The following HPS3 variants were observed in gnomAD, a reference collection of about 807,000 sequenced individuals.
HPS3 encodes the protein BLOC-2 complex member HPS3.
HPS3 carries 79 observed loss-of-function variants against 110.9 expected under a neutral mutation model. The ratio of observed to expected loss-of-function variants is 0.71; its 90% CI spans 0.59 to 0.86. HPS3 has a LOEUF of 0.86. HPS3 is among the 40% of genes least tolerant of loss of function. The pLI is 0.00. For synonymous variants in HPS3, 428 were observed against 451.0 expected (o/e 0.95, Z 0.65); for missense variants, 1,197 against 1,206.2 (o/e 0.99, Z 0.11).
At chr3:149,164,864 A>G (rs1238965688) in intron 14 of HPS3, among the ~76,000 whole-genome samples, 1 of 152,146 alleles carries the variant, frequency 6.6e-6, no homozygotes, top group Non-Finnish European at 1.5e-5. Context: ...ATGCATCTTC[A>G]TCATTTGATT....
chr3:149,162,725 G>T lies in HPS3; in HGVS notation c.2328G>T (p.Gln776His). Reference protein sequence around the residue: ...LCAKDEDTIPQLLVDFWEAQL... With the variant: ...LCAKDEDTIPHLLVDFWEAQL... Reference sequence around the variant, plus strand: ...CTAAGGATGAAGATACAATTCCTCAGCTCTTGGTAGACTTTTGGGAAGCTC... The same window carrying T: ...CTAAGGATGAAGATACAATTCCTCATCTCTTGGTAGACTTTTGGGAAGCTC... The change falls in exon 13 of 17, where the codon CAG becomes CAT. Residue 776 changes from glutamine (Q) to histidine (H), a missense_variant. Physicochemically the swap from Gln to His is conservative, Grantham distance 24. Transcript: ENST00000296051. The T allele has an allele frequency of 6.2e-7, 1 of 1,614,002 alleles. No individual in the cohort carries two copies. Among genetic ancestry groups the T allele is most frequent in the Non-Finnish European group, 8.5e-7 (1 of 1,179,940 alleles).
At position 149,152,401 on chromosome 3, in the gene HPS3, G is replaced by A. The variant is rs567995967; in HGVS notation, c.1246-1093G>A. Among the ~76,000 whole-genome samples, 7 of 152,268 alleles carry A rather than the reference G, an allele frequency of 4.6e-5. No homozygotes were observed. The South Asian group carries it at 1.5e-3, about 32-fold the overall frequency. On this transcript the variant is annotated intron_variant, in intron 6 of 16. Transcript: ENST00000296051. ...AGAGTCTTATAAAAGGCAGAATGAA[G>A]GAACAAGGAAGAGACAAAGGGGAGG...
intron 9 of HPS3, among the ~76,000 whole-genome samples, chr3:149,158,448 G>A (rs1678948506): frequency 6.6e-6 from 1 of 152,144 alleles, no homozygotes; most frequent in South Asian, 2.1e-4. Flanking sequence ...CTTCTGGAAA[G>A]CATGATATAT....
chr3:149,161,540 C>T (rs572755077), intron 11 of HPS3, among the ~76,000 whole-genome samples: 19 of 133,420 alleles, frequency 1.4e-4, no homozygotes, highest in African/African-American at 4.8e-4. Flanking sequence ...TTGAGAGCCT[C>T]GTTCTGTGGC....
At chr3:149,139,855 C>T in intron 1 of HPS3, 149 bp from the exon 2 acceptor site, 1 of 715,794 alleles carries the variant, frequency 1.4e-6, no homozygotes, top group African/African-American at 1.8e-5. Flanking sequence ...GTCAAAAATA[C>T]ACCTAAGATT....
chr3:149,170,620 T>C (rs1405559535), intron 16 of HPS3: 1 of 152,242 alleles, frequency 6.6e-6, no homozygotes, highest in Non-Finnish European at 1.5e-5. Context: ...CTGTCTGGAT[T>C]CCAGAACTAG....
rs1469116890 is a variant in HPS3, at chr3:149,159,757, T to A, written c.1873-289T>A. Among the ~76,000 whole-genome samples the A allele has an allele frequency of 2.6e-5, 4 of 152,192 alleles. No homozygotes were observed. In the East Asian group the frequency reaches 7.7e-4, roughly 29 times the overall value. ...ATTTTTATTGTCATTCAATCAAATG[T>A]TTATTTTCTTCTTCTGAAGTGTTAA... On this transcript the variant is annotated intron_variant, in intron 10 of 16. Coordinates refer to ENST00000296051, the MANE Select transcript of HPS3 (RefSeq NM_032383.5).
intron 1 of HPS3, chr3:149,130,243 C>A: frequency 2.0e-6 from 1 of 493,742 alleles, no homozygotes; most frequent in African/African-American, 1.9e-5. Flanking sequence ...CTTAAGCAAA[C>A]AACAACAAAA....
chr3:149,162,511 G>A (rs1329029118), intron 12 of HPS3, 178 bp downstream of exon 12: 1 of 907,328 alleles, frequency 1.1e-6, no homozygotes, highest in African/African-American at 1.7e-5. Flanking sequence ...AACTTTATTT[G>A]TACATCCTAG....
intron 8 of HPS3, among the ~76,000 whole-genome samples, chr3:149,155,531 C>CAAATAAATAAAT (rs35607134): frequency 1.3e-5 from 2 of 151,814 alleles, no homozygotes; most frequent in Non-Finnish European, 2.9e-5. Flanking sequence ...AGAAATGGAG[C>CAAATAAATAAAT]AAATAAATAA....
At chr3:149,162,915 G>A in intron 13 of HPS3, 37 bp downstream of exon 13, 1 of 1,504,312 alleles carries the variant, frequency 6.6e-7, no homozygotes, top group Admixed American at 1.7e-5. Context: ...TTTAACTCAT[G>A]CATTGCCCAT....
chr3:149,162,985 C>T, intron 13 of HPS3, 107 bp downstream of exon 13: 1 of 957,382 alleles, frequency 1.0e-6, no homozygotes, highest in Non-Finnish European at 1.6e-6. Context: ...TTTTCTATTA[C>T]CAGGTATCTT....
At chr3:149,132,151 A>G (rs1721817428) in intron 1 of HPS3, among the ~76,000 whole-genome samples, 1 of 152,260 alleles carries the variant, frequency 6.6e-6, no homozygotes, top group African/African-American at 2.4e-5. Flanking sequence ...CCAGAAGTCC[A>G]GAAGATATAG....
At chr3:149,136,974 G>A (rs1200888587) in intron 1 of HPS3, among the ~76,000 whole-genome samples, 1 of 152,000 alleles carries the variant, frequency 6.6e-6, no homozygotes, top group Non-Finnish European at 1.5e-5. Flanking sequence ...AGATAAACTA[G>A]ACTTTATCAA....
intron 1 of HPS3, among the ~76,000 whole-genome samples, chr3:149,134,795 A>C (rs536920318): frequency 6.6e-6 from 1 of 152,336 alleles, no homozygotes; most frequent in South Asian, 2.1e-4. Flanking sequence ...CAGCAGGTTC[A>C]AGAGTCATGT....
chr3:149,140,471 A>G lies in HPS3; in HGVS notation c.685A>G (p.Asn229Asp), dbSNP rs201855201. Residue 229 changes from asparagine to aspartate, a missense_variant, in exon 2 of 17, where the codon AAC becomes GAC. By Grantham distance (23) the Asn-to-Asp change is conservative. Transcript: ENST00000296051. ...ERVHHHPHKT[N>D]NRIRRTEEGI... ...AGTTCACCACCATCCACATAAGACC[A>G]ACAATCGAATAAGACGGACAGAAGA... is the stretch of plus-strand genomic sequence containing the variant. The G allele has an allele frequency of 6.2e-7, 1 of 1,614,136 alleles. No homozygotes were observed.
chr3:149,173,038 T>C lies in HPS3; in HGVS notation c.*816T>C, dbSNP rs1374051660. ...TAGTTCATTGATATTATCCTCTGAA[T>C]GCAGTTAAGGCTGGGCAGAAATTCT... On this transcript the variant is annotated 3_prime_UTR_variant, in exon 17 of 17. Transcript: ENST00000296051. 6.6e-6 allele frequency: 1 copy of C among 152,550 alleles called. No homozygotes were observed. The highest frequency in any genetic ancestry group is 6.5e-5 in the Admixed American group (1 of 15,278). 9.4% of individuals were successfully genotyped at this position (152,550 alleles called of 1,614,324 possible).
At chr3:149,154,356 T>G (rs1296163069) in intron 7 of HPS3, among the ~76,000 whole-genome samples, 5 of 152,188 alleles carry the variant, frequency 3.3e-5, no homozygotes, top group African/African-American at 4.8e-5. Context: ...ACATAGATTT[T>G]TACTTTTTCA....
At chr3:149,152,918 C>A (rs1371640811) in intron 6 of HPS3, among the ~76,000 whole-genome samples, 1 of 152,202 alleles carries the variant, frequency 6.6e-6, no homozygotes. Context: ...CCTGACATGT[C>A]CCAGCCTGTC....
Sources: gnomAD v4.1 joint callset for allele counts (sites outside exome capture counted in the v4.1 genomes callset) on GRCh38, gnomAD v4.1.1 for gene constraint, MANE v1.5 for transcripts, NCBI Gene and HGNC (gene_info 2026-07-23, HGNC 2026-07-21) for gene names.